The following COG5 variants were observed in gnomAD, a reference collection of about 807,000 sequenced individuals.
The protein encoded by COG5 is component of oligomeric golgi complex 5.
Under a neutral mutation model 110.4 loss-of-function variants are expected in COG5, and 86 were observed. The ratio of observed to expected loss-of-function variants is 0.78; its 90% CI spans 0.65 to 0.93. The LOEUF is 0.93. COG5 is among the 40% of genes least tolerant of loss of function. The pLI is 0.00. For synonymous variants in COG5, 360 were observed against 334.6 expected, an observed-to-expected ratio of 1.08 and a Z score of -0.83; for missense variants, 1,077 against 987.0, an observed-to-expected ratio of 1.09 and a Z score of -1.22.
intron 18 of COG5, among the ~76,000 whole-genome samples, chr7:107,234,165 T>C (rs1488413888): frequency 5.9e-5 from 9 of 152,202 alleles, no homozygotes; most frequent in Non-Finnish European, 1.2e-4. Flanking sequence ...AATCTGCTTT[T>C]CAATACCACA....
chr7:107,385,986 TTTTGTG>T (rs1456357746), intron 7 of COG5, among the ~76,000 whole-genome samples: 28 of 51,494 alleles, frequency 5.4e-4, no homozygotes, highest in African/African-American at 2.0e-3. Context: ...TTAAACCAGG[TTTTGTG>T]TGTGTGTGTG....
At chr7:107,346,056 G>C (rs1009648395) in intron 10 of COG5, among the ~76,000 whole-genome samples, 1 of 151,860 alleles carries the variant, frequency 6.6e-6, no homozygotes, top group East Asian at 1.9e-4. Flanking sequence ...TTTTAGTATC[G>C]GCAAATTCCT....
At chr7:107,281,224 A>C in intron 14 of COG5, 76 bp downstream of exon 14, 1 of 935,880 alleles carries the variant, frequency 1.1e-6, no homozygotes, top group South Asian at 1.4e-5. Flanking sequence ...TTCAATATTT[A>C]TGATTAGTCA....
chr7:107,201,643 A>G lies in COG5; in HGVS notation c.*1873T>C, dbSNP rs191952814. On this transcript the variant is annotated 3_prime_UTR_variant, in exon 22 of 22. Coordinates refer to ENST00000297135, the MANE Select transcript of COG5 (RefSeq NM_006348.5). Reference sequence around the variant, plus strand: ...TAAAACTATCAACATTTTAAACCAAATTGCCTTATTTTTCTTCCAAACTTC... The same window carrying G: ...TAAAACTATCAACATTTTAAACCAAGTTGCCTTATTTTTCTTCCAAACTTC... The G allele has an allele frequency of 6.8e-4, 287 of 420,408 alleles. 1 individual carries two copies. Among genetic ancestry groups the G allele is most frequent in the South Asian group, 1.0e-3 (15 of 14,404 alleles). 26.0% of individuals were successfully genotyped at this position (420,408 alleles called of 1,614,324 possible).
intron 5 of COG5, among the ~76,000 whole-genome samples, chr7:107,540,552 C>A (rs966388027): frequency 2.7e-5 from 4 of 149,822 alleles, no homozygotes; most frequent in Non-Finnish European, 3.0e-5. Flanking sequence ...TACTCCAGCC[C>A]AAGTGACAGG....
At chr7:107,211,347 ACT>A in intron 19 of COG5, 122 bp from the exon 20 acceptor site, 2 of 1,073,974 alleles carry the variant, frequency 1.9e-6, no homozygotes, top group Non-Finnish European at 2.8e-6. Context: ...GGAGCCCTCC[ACT>A]GCTTAACCAC....
At chr7:107,305,447 T>C (rs923372069) in intron 11 of COG5, among the ~76,000 whole-genome samples, 7 of 152,218 alleles carry the variant, frequency 4.6e-5, no homozygotes, top group Non-Finnish European at 8.8e-5. Context: ...ATGTCTTGAA[T>C]GTTTTGTTTC....
At chr7:107,470,103 T>C (rs1796545292) in intron 6 of COG5, 2 of 152,168 alleles carry the variant, frequency 1.3e-5, no homozygotes, top group Non-Finnish European at 2.9e-5. Flanking sequence ...TGAAAAGCAG[T>C]GCCGTTCCTT....
intron 7 of COG5, among the ~76,000 whole-genome samples, chr7:107,386,818 T>A (rs1242722793): frequency 6.6e-6 from 1 of 152,088 alleles, no homozygotes; most frequent in African/African-American, 2.4e-5. Flanking sequence ...GGTCCCAGCA[T>A]CATCTTTAAT....
chr7:107,225,668 A>G (rs1255990600), intron 19 of COG5, among the ~76,000 whole-genome samples: 3 of 152,192 alleles, frequency 2.0e-5, no homozygotes, highest in Non-Finnish European at 4.4e-5. Context: ...GTGCACCACC[A>G]TGCCTGGCTA....
chr7:107,222,303 G>T (rs1426232235), intron 19 of COG5, among the ~76,000 whole-genome samples: 1 of 151,996 alleles, frequency 6.6e-6, no homozygotes, highest in Non-Finnish European at 1.5e-5. Flanking sequence ...GGGCTCAAGT[G>T]ATTCTCCTGC....
chr7:107,497,095 A>G (rs1798325411), intron 6 of COG5, among the ~76,000 whole-genome samples: 1 of 152,126 alleles, frequency 6.6e-6, no homozygotes, highest in African/African-American at 2.4e-5. Flanking sequence ...CCTGTGTCCC[A>G]GCCACTCAAG....
chr7:107,506,564 G>A (rs1799023998), intron 6 of COG5, among the ~76,000 whole-genome samples: 1 of 152,096 alleles, frequency 6.6e-6, no homozygotes, highest in Non-Finnish European at 1.5e-5. Context: ...GTAGGGAGTG[G>A]GAAGTAACAG....
At chr7:107,306,335 C>T (rs558791400) in intron 11 of COG5, among the ~76,000 whole-genome samples, 1 of 152,220 alleles carries the variant, frequency 6.6e-6, no homozygotes, top group South Asian at 2.1e-4. Context: ...GCTTTAGCCA[C>T]TGAAGTGGGT....
intron 9 of COG5, 57 bp downstream of exon 9, chr7:107,362,251 T>TG: frequency 6.8e-7 from 1 of 1,460,116 alleles, no homozygotes; most frequent in Non-Finnish European, 9.6e-7. Context: ...TCACACAATT[T>TG]GGAATAACCA....
chr7:107,330,429 T>C (rs896796225), intron 10 of COG5, among the ~76,000 whole-genome samples: 3 of 152,240 alleles, frequency 2.0e-5, no homozygotes, highest in Admixed American at 2.0e-4. Flanking sequence ...GCTTTAGCCA[T>C]TGATTTCAAC....
At chr7:107,232,672 AT>A (rs537232548) in intron 18 of COG5, among the ~76,000 whole-genome samples, 2 of 152,330 alleles carry the variant, frequency 1.3e-5, no homozygotes, top group South Asian at 4.1e-4. Context: ...TTAAAATAAA[AT>A]TTTTTTATCC....
intron 7 of COG5, among the ~76,000 whole-genome samples, chr7:107,394,568 T>C (rs1698611880): frequency 6.6e-6 from 1 of 152,228 alleles, no homozygotes. Flanking sequence ...AACAGAGATG[T>C]AGCAAGACTG....
chr7:107,448,853 A>C (rs1351563359), intron 6 of COG5, among the ~76,000 whole-genome samples: 2 of 152,198 alleles, frequency 1.3e-5, no homozygotes, highest in Non-Finnish European at 1.5e-5. Flanking sequence ...AAATATCAAA[A>C]AAATTAAGAA....
Sources: gnomAD v4.1 joint callset for allele counts (sites outside exome capture counted in the v4.1 genomes callset) on GRCh38, gnomAD v4.1.1 for gene constraint, MANE v1.5 for transcripts, NCBI Gene and HGNC (gene_info 2026-07-23, HGNC 2026-07-21) for gene names.